Variants in NCOA1 observed in about 807,000 individuals in gnomAD.
NCOA1 encodes nuclear receptor coactivator 1.
NCOA1 carries 35 observed loss-of-function variants against 150.9 expected under a neutral mutation model. The ratio of observed to expected loss-of-function variants is 0.23; its 90% CI spans 0.18 to 0.31. The LOEUF (loss-of-function observed/expected upper bound fraction) is 0.31. Among genes scored for constraint, NCOA1 ranks in the 10% least tolerant of loss-of-function variants. The pLI, the probability that NCOA1 is intolerant of heterozygous loss-of-function variation, is 1.00. For missense variants in NCOA1, 1,491 were observed against 1,749.3 expected (o/e 0.85, Z 2.63); for synonymous variants, 590 against 630.0 (o/e 0.94, Z 0.95).
rs1463363806 is a variant in NCOA1 at position 24,601,737 on chromosome 2, A to G, written c.-175+17177A>G. 2.6e-5 allele frequency among the ~76,000 whole-genome samples: 4 copies of G among 151,824 alleles called. No homozygotes were observed. The East Asian group carries it at 5.8e-4, about 22-fold the overall frequency. On this transcript the variant is annotated intron_variant, in intron 3 of 22. Transcript: ENST00000348332. Reference sequence around the variant, plus strand: ...AACCTCCGCCTCCTGGGTTCAAGCAATTCTCCTGCCTCAGCCTTCTGAGTG... The same window carrying G: ...AACCTCCGCCTCCTGGGTTCAAGCAGTTCTCCTGCCTCAGCCTTCTGAGTG...
At chr2:24,509,420 A>T (rs962299279) in intron 1 of NCOA1, among the ~76,000 whole-genome samples, 3 of 152,194 alleles carry the variant, frequency 2.0e-5, no homozygotes, top group African/African-American at 7.2e-5. Context: ...GTTGTTTGTG[A>T]AAATGCCTTG....
chr2:24,726,651 CA>C lies in NCOA1; in HGVS notation c.2663del (p.Gln888ArgfsTer9). 1 of 1,611,264 alleles carries C rather than the reference CA, an allele frequency of 6.2e-7. No individual in the cohort carries two copies. The highest frequency in any genetic ancestry group is 8.5e-7 in the Non-Finnish European group (1 of 1,178,718). ...NQFGQPGTGD[Q>X]IPWTNNTVTA... is the part of the protein sequence containing the mutation. ...ATTTGGACAACCAGGAACAGGCGAT[CA>C]GATTCCATGGACAAATAATACAGTG... On this transcript the variant is annotated frameshift_variant, in exon 15 of 23. Coordinates refer to ENST00000348332, the MANE Select transcript of NCOA1 (RefSeq NM_003743.5). LOFTEE classifies it high-confidence loss of function.
chr2:24,530,143 T>C (rs185268056), intron 1 of NCOA1, among the ~76,000 whole-genome samples: 5 of 152,348 alleles, frequency 3.3e-5, no homozygotes, highest in South Asian at 2.1e-4. Flanking sequence ...GTAAGTCTTT[T>C]AGCTGTCGGT....
At chr2:24,594,967 T>C (rs569585885) in intron 3 of NCOA1, among the ~76,000 whole-genome samples, 27 of 152,218 alleles carry the variant, frequency 1.8e-4, no homozygotes, top group Admixed American at 1.1e-3. Flanking sequence ...GATTGTCTCA[T>C]TGAAGAAAAT....
At chr2:24,515,450 G>A (rs1303944096) in intron 1 of NCOA1, among the ~76,000 whole-genome samples, 3 of 152,038 alleles carry the variant, frequency 2.0e-5, no homozygotes, top group African/African-American at 7.2e-5. Flanking sequence ...TGCCCAGGCT[G>A]GTCTCAAAAC....
At chr2:24,501,858 G>C (rs867769457) in intron 1 of NCOA1, among the ~76,000 whole-genome samples, 2 of 152,168 alleles carry the variant, frequency 1.3e-5, no homozygotes, top group Non-Finnish European at 2.9e-5. Flanking sequence ...TAGGATCTCT[G>C]TTTTTGTGGA....
chr2:24,501,342 T>A (rs1375109963), intron 1 of NCOA1, among the ~76,000 whole-genome samples: 1 of 152,194 alleles, frequency 6.6e-6, no homozygotes, highest in Non-Finnish European at 1.5e-5. Flanking sequence ...ACCTTCAAGT[T>A]GTTATATTAC....
At chr2:24,628,298 C>A (rs1669524777) in intron 3 of NCOA1, among the ~76,000 whole-genome samples, 1 of 79,146 alleles carries the variant, frequency 1.3e-5, no homozygotes, top group Non-Finnish European at 3.4e-5. Context: ...GAAACTCCAT[C>A]TCAGAAAAAA....
At chr2:24,761,672 T>C (rs1183099935) in intron 21 of NCOA1, among the ~76,000 whole-genome samples, 1 of 152,236 alleles carries the variant, frequency 6.6e-6, no homozygotes, top group Non-Finnish European at 1.5e-5. Context: ...TAATTTTTTA[T>C]TGGATGCCAG....
chr2:24,692,336 G>T (rs1672703418), intron 9 of NCOA1, among the ~76,000 whole-genome samples: 1 of 152,118 alleles, frequency 6.6e-6, no homozygotes, highest in African/African-American at 2.4e-5. Flanking sequence ...ACAATCAACT[G>T]GAGACTTTTT....
At position 24,491,513 on chromosome 2, in the gene NCOA1, C is replaced by T. The variant is rs907362738; in HGVS notation, c.-485C>T. 3.4e-5 allele frequency among the ~76,000 whole-genome samples: 5 copies of T among 146,864 alleles called. No homozygotes were observed. The highest frequency in any genetic ancestry group is 3.4e-4 in the Admixed American group (5 of 14,820). ...GGCCGGAGAGCCGCGGCGCCGGGCC[C>T]GAGGAGCGGCGGAGGCCGGGGCGGC... On this transcript the variant is annotated 5_prime_UTR_variant, in exon 1 of 23. Coordinates refer to ENST00000348332, the MANE Select transcript of NCOA1 (RefSeq NM_003743.5).
intron 1 of NCOA1, among the ~76,000 whole-genome samples, chr2:24,555,710 A>T (rs1054285180): frequency 6.6e-6 from 1 of 152,178 alleles, no homozygotes; most frequent in Non-Finnish European, 1.5e-5. Context: ...ATAGTGTTCC[A>T]CTTTATTACT....
rs1673493646 is a variant in NCOA1 at position 24,707,231 on chromosome 2, G to A, written c.1761G>A (p.Glu587=). 6.2e-7 allele frequency: 1 copy of A among 1,614,058 alleles called. No individual in the cohort carries two copies. Among genetic ancestry groups the A allele is most frequent in the Admixed American group, 1.7e-5 (1 of 60,002 alleles). ...PAKAESKDNK[E]IASILNEMIQ... ...AAGCTGAGTCCAAAGATAACAAAGA[G>A]ATTGCCTCAATTTTAAATGAAATGA... The change falls in exon 13 of 23, where the codon GAG becomes GAA. Residue 587 remains glutamate (E), a synonymous_variant. Transcript: ENST00000348332.
chr2:24,718,740 C>A lies in NCOA1; in HGVS notation c.2599+7629C>A, dbSNP rs1052233046. Among the ~76,000 whole-genome samples, 346 of 136,508 alleles carry A rather than the reference C, an allele frequency of 2.5e-3. 6 individuals carry two copies. The highest frequency in any genetic ancestry group is 1.2e-3 in the Non-Finnish European group (78 of 62,706). The allele number at this position is 136,508 out of a possible 152,430, so 89.6% of individuals were successfully genotyped here. On this transcript the variant is annotated intron_variant, in intron 14 of 22. Transcript: ENST00000348332. ...ACTAAAACTACAAAAAAAAAAAAAA[C>A]AAATCAGCCGGGCGGCTACTCAGGA...
intron 1 of NCOA1, among the ~76,000 whole-genome samples, chr2:24,524,263 T>C (rs1415288835): frequency 6.6e-6 from 1 of 152,180 alleles, no homozygotes; most frequent in African/African-American, 2.4e-5. Context: ...TCAACTTCTT[T>C]TTATTTTACT....
intron 9 of NCOA1, among the ~76,000 whole-genome samples, 173 bp from the exon 10 acceptor site, chr2:24,693,079 G>A (rs1265978633): frequency 6.6e-6 from 1 of 152,158 alleles, no homozygotes; most frequent in African/African-American, 2.4e-5. Flanking sequence ...AGCCAGCATG[G>A]TCTCGATCTT....
intron 4 of NCOA1, among the ~76,000 whole-genome samples, chr2:24,657,719 A>G (rs1219125169): frequency 2.0e-5 from 3 of 152,210 alleles, no homozygotes; most frequent in African/African-American, 4.8e-5. Context: ...GTTTTTCAGT[A>G]TGGCTGCTAA....
At chr2:24,569,120 A>T (rs1008471615) in intron 2 of NCOA1, among the ~76,000 whole-genome samples, 11 of 151,568 alleles carry the variant, frequency 7.3e-5, no homozygotes, top group African/African-American at 2.7e-4. Flanking sequence ...GCATTTAGTA[A>T]TGTGACTTTT....
chr2:24,665,893 G>A lies in NCOA1; in HGVS notation c.234G>A (p.Gln78=). 6.4e-7 allele frequency: 1 copy of A among 1,566,208 alleles called. No homozygotes were observed. The highest frequency in any genetic ancestry group is 8.7e-7 in the Non-Finnish European group (1 of 1,155,380). ...TGAAGAAAACAGTCGATCAGATACA[G>A]CTAATGAAGAGAATGGAACAAGGTA... ...KILKKTVDQI[Q]LMKRMEQEKS... is the part of the protein sequence containing the mutation. The change falls in exon 6 of 23, where the codon CAG becomes CAA. Residue 78 remains glutamine (Q), a synonymous_variant. Transcript: ENST00000348332.
Sources: gnomAD v4.1 joint callset for allele counts (sites outside exome capture counted in the v4.1 genomes callset) on GRCh38, gnomAD v4.1.1 for gene constraint, MANE v1.5 for transcripts, NCBI Gene and HGNC (gene_info 2026-07-23, HGNC 2026-07-21) for gene names.